The following ZNF766 variants were observed in gnomAD, a reference collection of about 807,000 sequenced individuals.
ZNF766 encodes zinc finger protein 766.
In ZNF766, 13 loss-of-function variants were observed where a neutral mutation model predicts 13.2. The observed-to-expected ratio is 0.98, with a 90% CI of 0.64 to 1.56. ZNF766 has a LOEUF of 1.56. Ranked by LOEUF, ZNF766 falls within the 40% of genes most tolerant of loss-of-function variation. ZNF766 has a pLI of 0.00. For missense variants in ZNF766, 521 were observed against 552.2 expected (o/e 0.94, Z 0.57); for synonymous variants, 178 against 187.6 (o/e 0.95, Z 0.42).
At chr19:52,289,230 A>G (rs1981988465) in intron 3 of ZNF766, among the ~76,000 whole-genome samples, 1 of 144,524 alleles carries the variant, frequency 6.9e-6, no homozygotes, top group Non-Finnish European at 1.5e-5. Context: ...AGCTCACTGC[A>G]ACCTCTGCCT....
chr19:52,277,354 G>A, intron 1 of ZNF766: 2 of 1,017,318 alleles, frequency 2.0e-6, no homozygotes, highest in Admixed American at 5.3e-5. Context: ...AGCTACTCAG[G>A]AGGCTGAGGC....
At chr19:52,272,353 T>G (rs1335403106) in intron 1 of ZNF766, among the ~76,000 whole-genome samples, 1 of 152,210 alleles carries the variant, frequency 6.6e-6, no homozygotes, top group Non-Finnish European at 1.5e-5. Flanking sequence ...TTTGAAGACA[T>G]CTCTAAGTTT....
intron 3 of ZNF766, 101 bp downstream of exon 3, chr19:52,283,514 T>C (rs1018678987): frequency 1.8e-5 from 25 of 1,387,898 alleles, no homozygotes; most frequent in Non-Finnish European, 2.4e-5. Flanking sequence ...CATAGCTCAC[T>C]GCAGCTTTGA....
At chr19:52,289,870 G>T (rs563872002) in intron 3 of ZNF766, among the ~76,000 whole-genome samples, 196 bp from the exon 4 acceptor site, 1 of 152,082 alleles carries the variant, frequency 6.6e-6, no homozygotes, top group Non-Finnish European at 1.5e-5. Context: ...GCGTGGTGGC[G>T]GACGCCTGTA....
chr19:52,290,541 G>A lies in ZNF766; in HGVS notation c.750G>A (p.Lys250=), dbSNP rs1447313840. 6.2e-7 allele frequency: 1 copy of A among 1,613,902 alleles called. No individual in the cohort carries two copies. The highest frequency in any genetic ancestry group is 8.5e-7 in the Non-Finnish European group (1 of 1,179,952). The change falls in exon 4 of 4, where the codon AAG becomes AAA. Residue 250 remains lysine, a synonymous_variant. Coordinates refer to ENST00000439461, the MANE Select transcript of ZNF766 (RefSeq NM_001010851.3). ...EKPYKCKECG[K]LFNRIAYLAR... is the part of the protein sequence containing the mutation. ...CTTACAAATGTAAAGAGTGTGGCAA[G>A]CTCTTCAATCGAATTGCATACCTTG...
intron 3 of ZNF766, among the ~76,000 whole-genome samples, chr19:52,283,700 C>T (rs1981661829): frequency 6.6e-6 from 1 of 152,162 alleles, no homozygotes; most frequent in Non-Finnish European, 1.5e-5. Context: ...TCTTTACCCC[C>T]ACCTGTCACC....
At chr19:52,281,656 C>T (rs1334023832) in intron 1 of ZNF766, 1 of 390,152 alleles carries the variant, frequency 2.6e-6, no homozygotes, top group Non-Finnish European at 5.1e-6. Flanking sequence ...ATGAACTTAA[C>T]TTTACTCAGT....
Position 52,290,218 on chromosome 19 carries a change from A to G in ZNF766, c.427A>G (p.Ser143Gly). The G allele has an allele frequency of 6.2e-7, 1 of 1,614,058 alleles. No individual in the cohort carries two copies. Among genetic ancestry groups the G allele is most frequent in the African/African-American group, 1.3e-5 (1 of 75,066 alleles). The change falls in exon 4 of 4, where the codon AGT (serine) becomes GGT (glycine). Residue 143 changes from serine to glycine, a missense_variant. By Grantham distance (56) the Ser-to-Gly change is moderately conservative. Transcript: ENST00000439461. ...CNQVQKFISH[S>G]SSVSPLQRIY... is the part of the protein sequence containing the mutation. The stretch of plus-strand genomic sequence containing the variant: ...TCAAGTTCAAAAGTTCATCAGCCAC[A>G]GTTCTTCAGTTTCGCCACTTCAAAG...
intron 1 of ZNF766, chr19:52,277,119 T>C (rs1981242457): frequency 9.7e-7 from 1 of 1,027,656 alleles, no homozygotes; most frequent in South Asian, 3.8e-5. Flanking sequence ...AGTATGTTGA[T>C]TCTAAACCCT....
rs751138029 is a variant in ZNF766 at position 52,283,995 on chromosome 19, G to A, written c.274+582G>A. On this transcript the variant is annotated intron_variant, in intron 3 of 3. Transcript: ENST00000439461. ...TCGTGATCCGCCCGCCTTGGCCTCC[G>A]AAAGTGCTGGGATTATGGTGTCAGC... 2.6e-5 allele frequency among the ~76,000 whole-genome samples: 4 copies of A among 152,258 alleles called. No individual in the cohort carries two copies. In the South Asian group the frequency reaches 6.2e-4, roughly 24 times the overall value.
chr19:52,281,936 T>C, intron 1 of ZNF766, 175 bp from the exon 2 acceptor site: 3 of 743,048 alleles, frequency 4.0e-6, no homozygotes, highest in African/African-American at 1.8e-5. Context: ...TATGGAAAAG[T>C]ATAATAAAAC....
chr19:52,282,393 T>A (rs544484340), intron 2 of ZNF766, 156 bp downstream of exon 2: 1 of 853,210 alleles, frequency 1.2e-6, no homozygotes, highest in Non-Finnish European at 1.7e-6. Flanking sequence ...CCCAGCACTT[T>A]GGGAGGCTGA....
At chr19:52,277,972 C>CTTT (rs375658066) in intron 1 of ZNF766, among the ~76,000 whole-genome samples, 4,807 of 135,642 alleles carry the variant, frequency 0.035, 141 homozygotes, top group African/African-American at 0.064. Flanking sequence ...TCTTTTCTGC[C>CTTT]TTTTTTTTTT....
intron 3 of ZNF766, among the ~76,000 whole-genome samples, chr19:52,288,950 ATTC>A (rs1451986266): frequency 1.3e-5 from 2 of 150,072 alleles, no homozygotes; most frequent in South Asian, 2.1e-4. Flanking sequence ...GGTTCAAGTG[ATTC>A]TTCTTCTGCC....
chr19:52,284,041 G>A (rs1981684732), intron 3 of ZNF766, among the ~76,000 whole-genome samples: 1 of 152,154 alleles, frequency 6.6e-6, no homozygotes, highest in Non-Finnish European at 1.5e-5. Flanking sequence ...AGCCCACGCT[G>A]TCGTTTAGAT....
At position 52,286,009 on chromosome 19, in the gene ZNF766, T is replaced by C. The variant is rs375759269; in HGVS notation, c.274+2596T>C. ...CCTCCCTGGATACCAAGGGAGGGATTCTGAATCGAAATAATGGATGTGCAC... is the reference window on the plus strand; with the variant it reads ...CCTCCCTGGATACCAAGGGAGGGATCCTGAATCGAAATAATGGATGTGCAC... On this transcript the variant is annotated intron_variant, in intron 3 of 3. Transcript: ENST00000439461. Among the ~76,000 whole-genome samples the C allele has an allele frequency of 1.1e-4, 17 of 152,186 alleles. No homozygotes were observed. In the East Asian group the frequency reaches 2.1e-3, roughly 19 times the overall value.
chr19:52,292,325 A>G lies in ZNF766; in HGVS notation c.*1127A>G, dbSNP rs563013787. 44 of 629,398 alleles carry G rather than the reference A, an allele frequency of 7.0e-5. No individual in the cohort carries two copies. The highest frequency in any genetic ancestry group is 1.1e-4 in the Non-Finnish European group (38 of 352,278). The allele number at this position is 629,398 out of a possible 1,614,324, so 39.0% of individuals were successfully genotyped here. On this transcript the variant is annotated 3_prime_UTR_variant, in exon 4 of 4. Transcript: ENST00000439461. ...GAATAACAAAACCGTGATGGCAGTC[A>G]TCATGCTTATTGCAGTTAGCACACA...
chr19:52,287,742 T>A (rs995368766), intron 3 of ZNF766, among the ~76,000 whole-genome samples: 2 of 152,216 alleles, frequency 1.3e-5, no homozygotes, highest in East Asian at 3.8e-4. Flanking sequence ...CATTTTTTTC[T>A]TGGTTAACAT....
chr19:52,290,879 C>G lies in ZNF766; in HGVS notation c.1088C>G (p.Ala363Gly). Residue 363 changes from alanine to glycine, a missense_variant, in exon 4 of 4, where the codon GCT (alanine) becomes GGT (glycine). Physicochemically the swap from Ala to Gly is moderately conservative, Grantham distance 60. Coordinates refer to ENST00000439461, the MANE Select transcript of ZNF766 (RefSeq NM_001010851.3). ...KPYKCKECDK[A>G]FRHKFSLTVH... is the part of the protein sequence containing the mutation. The stretch of plus-strand genomic sequence containing the variant: ...TACAAATGTAAAGAATGTGACAAAG[C>G]TTTTAGGCACAAGTTCTCCCTGACA... 4 of 1,613,766 alleles carry G rather than the reference C, an allele frequency of 2.5e-6. No individual in the cohort carries two copies. Among genetic ancestry groups the G allele is most frequent in the Non-Finnish European group, 3.4e-6 (4 of 1,179,910 alleles).
Sources: allele counts gnomAD v4.1 joint callset (sites outside exome capture counted in the v4.1 genomes callset), GRCh38; gene constraint gnomAD v4.1.1; transcripts MANE v1.5; gene names NCBI Gene and HGNC (gene_info 2026-07-23, HGNC 2026-07-21).